ZNF564: variants seen among roughly 807,000 people sequenced by gnomAD.
The protein encoded by ZNF564 is zinc finger protein 564.
A neutral mutation model predicts 10.5 loss-of-function variants in ZNF564; 5 were observed. The ratio of observed to expected loss-of-function variants is 0.48; its 90% confidence interval spans 0.25 to 1.00. The LOEUF (loss-of-function observed/expected upper bound fraction) is 1.00. Among genes scored for constraint, ZNF564 ranks in the 50% least tolerant of loss-of-function variants. The pLI is 0.16. For missense variants in ZNF564, 603 were observed against 669.7 expected (o/e 0.90, Z 1.10); for synonymous variants, 242 against 218.1 (o/e 1.11, Z -0.97).
At chr19:12,540,889 G>A (rs113361281) in intron 1 of ZNF564, among the ~76,000 whole-genome samples, 6,581 of 151,234 alleles carry the variant, frequency 0.044, 191 homozygotes, top group East Asian at 0.12. Flanking sequence ...GCAGGCACCT[G>A]TAGTCCCAGC....
chr19:12,540,645 G>A (rs978792227), intron 1 of ZNF564, among the ~76,000 whole-genome samples: 1 of 152,108 alleles, frequency 6.6e-6, no homozygotes, highest in African/African-American at 2.4e-5. Flanking sequence ...ACAAAGTCAG[G>A]AGATCGCCAC....
rs778360398 is a variant in ZNF564, at chr19:12,526,665, T to A, written c.1443A>T (p.Glu481Asp). 6.2e-7 allele frequency: 1 copy of A among 1,614,180 alleles called. No individual in the cohort carries two copies. Among genetic ancestry groups the A allele is most frequent in the South Asian group, 1.1e-5 (1 of 91,084 alleles). Reference sequence around the variant, plus strand: ...TGGCATAATTGAATGCTTTCCCACATTCTTTACATTCATAGGGTTTTTCTC... The same window carrying A: ...TGGCATAATTGAATGCTTTCCCACAATCTTTACATTCATAGGGTTTTTCTC... ...HTGEKPYECK[E>D]CGKAFNYASS... The change falls in exon 4 of 4, where the codon GAA becomes GAT. Residue 481 changes from glutamate (E) to aspartate (D), a missense_variant. Glu to Asp is a conservative substitution (Grantham distance 45). Transcript: ENST00000339282.
At position 12,527,036 on chromosome 19, in the gene ZNF564, T is replaced by C. The variant is rs2021699509; in HGVS notation, c.1072A>G (p.Thr358Ala). 6.2e-7 allele frequency: 1 copy of C among 1,614,068 alleles called. No homozygotes were observed. The highest frequency in any genetic ancestry group is 8.5e-7 in the Non-Finnish European group (1 of 1,180,010). The stretch of plus-strand genomic sequence containing the variant: ...TCATAGGGCTTCTCTCCAGTGTGAG[T>C]CCTTTCATGTGTTCGAACATTACTG... The part of the protein sequence containing the change: ...SSSNVRTHER[T>A]HTGEKPYECK... Residue 358 changes from threonine to alanine, a missense_variant, in exon 4 of 4, where the codon ACT (threonine) becomes GCT (alanine). Physicochemically the swap from Thr to Ala is moderately conservative, Grantham distance 58. Coordinates refer to ENST00000339282, the MANE Select transcript of ZNF564 (RefSeq NM_144976.4).
At chr19:12,548,240 C>T (rs1448978516) in intron 1 of ZNF564, 45 of 854,666 alleles carry the variant, frequency 5.3e-5, no homozygotes, top group South Asian at 5.4e-5. Context: ...TTTTTTGAGA[C>T]GGAGTCTAGC....
At chr19:12,551,306 A>T in intron 1 of ZNF564, 24 bp downstream of exon 1, 2 of 1,604,922 alleles carry the variant, frequency 1.2e-6, no homozygotes. Context: ...CCCAGTCTCC[A>T]GGCGCCCGGC....
intron 1 of ZNF564, among the ~76,000 whole-genome samples, chr19:12,535,871 G>T (rs2021899102): frequency 6.6e-6 from 1 of 151,966 alleles, no homozygotes; most frequent in African/African-American, 2.4e-5. Context: ...AAATTAGCTG[G>T]GCGGAGTGGT....
chr19:12,531,337 G>C lies in ZNF564; in HGVS notation c.4-2641C>G, dbSNP rs183536961. Among the ~76,000 whole-genome samples the C allele has an allele frequency of 2.3e-3, 348 of 152,158 alleles. 5 individuals are homozygous for C. The highest frequency in any genetic ancestry group is 0.02 in the Middle Eastern group (6 of 294). ...GCAGGCAGATCACTTGAGTTCACTT[G>C]AGTCAGGATCATTTGAGTTAGGAGT... On this transcript the variant is annotated intron_variant, in intron 1 of 3. Coordinates refer to ENST00000339282, the MANE Select transcript of ZNF564 (RefSeq NM_144976.4).
At chr19:12,542,014 CAAAAAAAA>C (rs74180077) in intron 1 of ZNF564, among the ~76,000 whole-genome samples, 7 of 56,262 alleles carry the variant, frequency 1.2e-4, no homozygotes, top group East Asian at 7.3e-4. Context: ...AGACTCTGTC[CAAAAAAAA>C]AAAAAAAAAA....
intron 1 of ZNF564, among the ~76,000 whole-genome samples, chr19:12,542,492 G>C (rs895727505): frequency 6.6e-6 from 1 of 151,756 alleles, no homozygotes; most frequent in Non-Finnish European, 1.5e-5. Context: ...ATGATAGCAC[G>C]TGTCTGTAGT....
At chr19:12,551,194 G>T in intron 1 of ZNF564, 136 bp downstream of exon 1, 2 of 1,015,698 alleles carry the variant, frequency 2.0e-6, no homozygotes, top group East Asian at 2.6e-5. Context: ...GGGACAGAGG[G>T]CCGAGCTGCG....
intron 1 of ZNF564, among the ~76,000 whole-genome samples, chr19:12,531,557 G>A (rs1000407186): frequency 6.6e-5 from 10 of 151,062 alleles, no homozygotes; most frequent in African/African-American, 2.4e-4. Context: ...GCAAGACTCT[G>A]TCTCCAAAAA....
chr19:12,540,723 G>A (rs979734566), intron 1 of ZNF564, among the ~76,000 whole-genome samples: 71 of 151,908 alleles, frequency 4.7e-4, no homozygotes, highest in African/African-American at 1.5e-3. Flanking sequence ...GCGTGGTGGC[G>A]GGCGCCTGTA....
intron 1 of ZNF564, among the ~76,000 whole-genome samples, chr19:12,542,997 C>T (rs2022086090): frequency 6.7e-6 from 1 of 149,548 alleles, no homozygotes; most frequent in Non-Finnish European, 1.5e-5. Context: ...AGAGAAACTC[C>T]ACCACAAAAA....
At chr19:12,534,352 A>G (rs2021866894) in intron 1 of ZNF564, among the ~76,000 whole-genome samples, 1 of 152,232 alleles carries the variant, frequency 6.6e-6, no homozygotes, top group South Asian at 2.1e-4. Flanking sequence ...GGGAATTACA[A>G]ATTTAAAAAT....
At chr19:12,547,231 A>T (rs1477844780) in intron 1 of ZNF564, among the ~76,000 whole-genome samples, 1 of 151,932 alleles carries the variant, frequency 6.6e-6, no homozygotes, top group Admixed American at 6.6e-5. Context: ...AATTTTTTTT[A>T]ATTTTGTAGA....
Position 12,526,397 on chromosome 19 carries a change from G to A in ZNF564, c.*49C>T. ...TCTGAAACCCAGAAAGCAAACTGAAGACTTTCCATATTCTTTAGATATGTA... is the reference window on the plus strand; with the variant it reads ...TCTGAAACCCAGAAAGCAAACTGAAAACTTTCCATATTCTTTAGATATGTA... On this transcript the variant is annotated 3_prime_UTR_variant, in exon 4 of 4. Coordinates refer to ENST00000339282, the MANE Select transcript of ZNF564 (RefSeq NM_144976.4). 2 of 1,512,646 alleles carry A rather than the reference G, an allele frequency of 1.3e-6. No homozygotes were observed. The highest frequency in any genetic ancestry group is 1.8e-6 in the Non-Finnish European group (2 of 1,133,578). The allele number at this position is 1,512,646 out of a possible 1,614,324, so 93.7% of individuals were successfully genotyped here.
intron 1 of ZNF564, chr19:12,529,685 C>T (rs571070878): frequency 2.0e-5 from 3 of 151,500 alleles, no homozygotes; most frequent in African/African-American, 7.3e-5. Flanking sequence ...ATCAGCATTC[C>T]ATGAAACACA....
chr19:12,528,525 ACTT>A (rs746586145), intron 2 of ZNF564, 42 bp downstream of exon 2: 4 of 1,602,526 alleles, frequency 2.5e-6, no homozygotes, highest in Admixed American at 1.8e-5. Context: ...AGCAAGAAAT[ACTT>A]CTTCTCTAAC....
chr19:12,547,635 T>A (rs1298076005), intron 1 of ZNF564, among the ~76,000 whole-genome samples: 1 of 151,986 alleles, frequency 6.6e-6, no homozygotes, highest in African/African-American at 2.4e-5. Flanking sequence ...CTTCTCTCAG[T>A]ATAAAGGACC....
Sources: allele counts gnomAD v4.1 joint callset (sites outside exome capture counted in the v4.1 genomes callset), GRCh38; gene constraint gnomAD v4.1.1; transcripts MANE v1.5; gene names NCBI Gene and HGNC (gene_info 2026-07-23, HGNC 2026-07-21).